The following SUCO variants were observed in gnomAD, a reference collection of about 807,000 sequenced individuals.
The protein encoded by SUCO is SUN domain containing ossification factor, also known as SUN domain-containing ossification factor.
A neutral mutation model predicts 148.1 loss-of-function variants in SUCO; 57 were observed. The observed-to-expected ratio is 0.38, with a 90% CI of 0.31 to 0.48. The LOEUF (loss-of-function observed/expected upper bound fraction) is 0.48, where lower values mean the gene tolerates loss of function less well. SUCO is among the 20% of genes least tolerant of loss of function. The pLI is 0.96. For missense variants in SUCO, 1,331 were observed against 1,468.2 expected, an observed-to-expected ratio of 0.91 and a Z score of 1.53; for synonymous variants, 470 against 502.7, an observed-to-expected ratio of 0.93 and a Z score of 0.87.
At chr1:172,599,084 C>T (rs1050050326) in intron 19 of SUCO, among the ~76,000 whole-genome samples, 1 of 152,224 alleles carries the variant, frequency 6.6e-6, no homozygotes, top group Non-Finnish European at 1.5e-5. Flanking sequence ...CTTCTTCCTG[C>T]CCTCGTTTCC....
intron 1 of SUCO, among the ~76,000 whole-genome samples, chr1:172,545,484 G>A (rs978266418): frequency 6.6e-6 from 1 of 152,200 alleles, no homozygotes; most frequent in Non-Finnish European, 1.5e-5. Flanking sequence ...ACAAGAGTCA[G>A]TGTGAGATGA....
Position 172,610,109 on chromosome 1 carries a change from A to G in SUCO, c.3615A>G (p.Arg1205=), listed in dbSNP as rs1037694395. ...TKTEKRALKR[R]RSKVQDQGKL... ...CTGAGAAGAGGGCTTTAAAACGAAG[A>G]CGATCTAAAGTCCAAGACCAAGGAA... is the stretch of plus-strand genomic sequence containing the variant. The change falls in exon 24 of 24, where the codon AGA becomes AGG. Residue 1205 remains arginine, a synonymous_variant. Transcript: ENST00000263688. The G allele has an allele frequency of 5.0e-6, 8 of 1,613,754 alleles. No individual in the cohort carries two copies. The highest frequency in any genetic ancestry group is 5.1e-6 in the Non-Finnish European group (6 of 1,179,880).
chr1:172,571,293 G>A (rs368786420), intron 9 of SUCO, among the ~76,000 whole-genome samples: 1 of 152,246 alleles, frequency 6.6e-6, no homozygotes, highest in South Asian at 2.1e-4. Context: ...GCTCCTAACT[G>A]CGAGTGATCC....
At chr1:172,561,436 G>A (rs1654145186) in intron 6 of SUCO, among the ~76,000 whole-genome samples, 2 of 152,076 alleles carry the variant, frequency 1.3e-5, no homozygotes, top group Non-Finnish European at 2.9e-5. Flanking sequence ...TGTTGATGAC[G>A]AATCTAGCAA....
chr1:172,560,361 A>C (rs912485786), intron 6 of SUCO, among the ~76,000 whole-genome samples: 3 of 152,172 alleles, frequency 2.0e-5, no homozygotes, highest in Non-Finnish European at 4.4e-5. Context: ...TTTGAATGTT[A>C]ATCTCAACCT....
At chr1:172,570,901 G>A (rs1571228951) in intron 9 of SUCO, 171 bp downstream of exon 9, 1 of 488,652 alleles carries the variant, frequency 2.0e-6, no homozygotes, top group Non-Finnish European at 3.7e-6. Context: ...TTTTGAGGAG[G>A]TCACAAAAAG....
At chr1:172,602,648 A>G (rs372072539) in intron 21 of SUCO, 48 bp from the exon 22 acceptor site, 165 of 1,598,022 alleles carry the variant, frequency 1.0e-4, no homozygotes, top group Non-Finnish European at 1.3e-4. Flanking sequence ...AGTAAATTAT[A>G]TGTGCTTTAC....
intron 3 of SUCO, 65 bp downstream of exon 3, chr1:172,553,435 C>A: frequency 8.4e-7 from 1 of 1,195,716 alleles, no homozygotes; most frequent in South Asian, 1.6e-5. Flanking sequence ...GATTGAAAAC[C>A]TTTGGTCACC....
At chr1:172,578,659 C>G (rs1655644775) in intron 14 of SUCO, 5 of 582,890 alleles carry the variant, frequency 8.6e-6, no homozygotes, top group Non-Finnish European at 1.1e-5. Context: ...GATTATATCC[C>G]TATGCCAGGG....
chr1:172,589,757 G>T lies in SUCO; in HGVS notation c.2656G>T (p.Asp886Tyr), dbSNP rs746592153. 6.2e-7 allele frequency: 1 copy of T among 1,612,194 alleles called. No homozygotes were observed. The highest frequency in any genetic ancestry group is 8.5e-7 in the Non-Finnish European group (1 of 1,179,262). The change falls in exon 18 of 24, where the codon GAT becomes TAT. Residue 886 changes from aspartate to tyrosine, a missense_variant. Asp to Tyr is a radical substitution (Grantham distance 160). Around this residue, in one of 3 missense-constraint regions of SUCO, gnomAD observed 992 missense variants for 1,093.5 expected, o/e 0.91. Transcript: ENST00000263688. ...LLRGLQRTAT[D>Y]FYAELQNSTD... ...GAGAGGGTTACAGAGGACAGCTACA[G>T]ATTTTTATGCTGAATTGCAAAATTC... is the stretch of plus-strand genomic sequence containing the variant.
intron 1 of SUCO, among the ~76,000 whole-genome samples, chr1:172,540,816 A>T (rs1652394941): frequency 6.6e-6 from 1 of 152,098 alleles, no homozygotes. Flanking sequence ...GGAGAAAGAG[A>T]GTTATGAATG....
In SUCO at chr1:172,574,588, A is replaced by T. The variant is rs568286691; in HGVS notation, c.1157+590A>T. 2.9e-3 allele frequency among the ~76,000 whole-genome samples: 440 copies of T among 152,128 alleles called. 3 individuals carry two copies. The highest frequency in any genetic ancestry group is 5.4e-3 in the Non-Finnish European group (365 of 67,916). On this transcript the variant is annotated intron_variant, in intron 10 of 23. Coordinates refer to ENST00000263688, the MANE Select transcript of SUCO (RefSeq NM_014283.5). Reference sequence around the variant, plus strand: ...AGTCTTTACTATGCACTTATTTATTAATTCTATAAAAATATGTACTTTTAC... The same window carrying T: ...AGTCTTTACTATGCACTTATTTATTTATTCTATAAAAATATGTACTTTTAC...
rs552486676 is a variant in SUCO, at chr1:172,550,759, TTTCA to T, written c.63-750_63-747del. ...CATGTTAAATATATAATTATTCCTG[TTTCA>T]TTATTGATTCTTAAAACATTGATGG... On this transcript the variant is annotated intron_variant, in intron 1 of 23. Coordinates refer to ENST00000263688, the MANE Select transcript of SUCO (RefSeq NM_014283.5). 2.4e-3 allele frequency: 549 copies of T among 224,426 alleles called. 2 individuals are homozygous for T. The highest frequency in any genetic ancestry group is 0.012 in the African/African-American group (527 of 42,832). The allele number at this position is 224,426 out of a possible 1,614,324, so 13.9% of individuals were successfully genotyped here.
chr1:172,606,614 C>T (rs1006673209), intron 22 of SUCO, among the ~76,000 whole-genome samples: 1 of 151,764 alleles, frequency 6.6e-6, no homozygotes, highest in Non-Finnish European at 1.5e-5. Flanking sequence ...ATTTACCCCA[C>T]GTTTACTAAT....
intron 19 of SUCO, among the ~76,000 whole-genome samples, chr1:172,594,444 G>C (rs1446410686): frequency 6.6e-6 from 1 of 152,090 alleles, no homozygotes; most frequent in African/African-American, 2.4e-5. Context: ...TGTACACACT[G>C]CTTTAAATGT....
intron 17 of SUCO, 36 bp from the exon 18 acceptor site, chr1:172,588,724 G>T: frequency 7.5e-7 from 1 of 1,328,844 alleles, no homozygotes; most frequent in Non-Finnish European, 9.8e-7. Context: ...AGACTTCTAA[G>T]TAAGTGATTT....
At chr1:172,537,438 T>C (rs954728920) in intron 1 of SUCO, among the ~76,000 whole-genome samples, 1 of 152,150 alleles carries the variant, frequency 6.6e-6, no homozygotes, top group African/African-American at 2.4e-5. Flanking sequence ...CATTTTCTTG[T>C]TGGCTGTGCT....
At chr1:172,571,020 A>C (rs997281509) in intron 9 of SUCO, among the ~76,000 whole-genome samples, 1 of 152,216 alleles carries the variant, frequency 6.6e-6, no homozygotes, top group Non-Finnish European at 1.5e-5. Context: ...AGATGAGAGA[A>C]GGCTTCCTGG....
At chr1:172,556,837 A>G in intron 4 of SUCO, 1 of 841,566 alleles carries the variant, frequency 1.2e-6, no homozygotes, top group African/African-American at 1.8e-5. Flanking sequence ...CCATTATATT[A>G]AAAATGACTG....
Sources: gnomAD v4.1 joint callset for allele counts (sites outside exome capture counted in the v4.1 genomes callset) on GRCh38, gnomAD v4.1.1 for gene constraint, gnomAD v4.1.1 regional missense constraint, MANE v1.5 for transcripts, NCBI Gene and HGNC (gene_info 2026-07-23, HGNC 2026-07-21) for gene names.